GLIS3: variants seen among roughly 807,000 people sequenced by gnomAD.
GLIS3 encodes the protein zinc finger protein GLIS3.
Under a neutral mutation model 78.6 loss-of-function variants are expected in GLIS3, and 53 were observed. That is an observed-to-expected ratio of 0.67 (90% CI 0.54 to 0.85). The LOEUF is 0.85. GLIS3 is among the 40% of genes least tolerant of loss of function. GLIS3 has a pLI of 0.00. For synonymous variants in GLIS3, 684 were observed against 509.9 expected, an observed-to-expected ratio of 1.34 and a Z score of -4.60; for missense variants, 1,703 against 1,231.1, an observed-to-expected ratio of 1.38 and a Z score of -5.74.
chr9:3,950,432 C>T (rs971332284), intron 4 of GLIS3, among the ~76,000 whole-genome samples: 3 of 152,234 alleles, frequency 2.0e-5, no homozygotes, highest in Non-Finnish European at 4.4e-5. Context: ...ATGTGGCTCC[C>T]GCCTACTTCT....
At chr9:4,274,733 C>G (rs535681112) in intron 2 of GLIS3, among the ~76,000 whole-genome samples, 6 of 152,290 alleles carry the variant, frequency 3.9e-5, no homozygotes, top group African/African-American at 1.2e-4. Context: ...GAGTGCAGGA[C>G]CCTGTGCAGT....
intron 4 of GLIS3, among the ~76,000 whole-genome samples, chr9:4,075,411 C>CAAAAA (rs59194808): frequency 8.5e-6 from 1 of 118,192 alleles, no homozygotes; most frequent in Admixed American, 9.2e-5. Flanking sequence ...ACTAAAAATA[C>CAAAAA]AAAAAAAAAA....
At chr9:4,445,568 A>C in the GLIS3 span, among the ~76,000 whole-genome samples, 1 of 152,228 alleles carries the variant, frequency 6.6e-6, no homozygotes, top group African/African-American at 2.4e-5. Flanking sequence ...CAGCAATTCA[A>C]GCTTACAGTG....
intron 9 of GLIS3, among the ~76,000 whole-genome samples, chr9:3,845,987 T>C (rs986788129): frequency 1.4e-4 from 21 of 152,290 alleles, no homozygotes; most frequent in African/African-American, 5.1e-4. Context: ...GAGTAAACAA[T>C]GCCTTCTTTA....
At chr9:4,187,781 G>T (rs1011427162) in intron 2 of GLIS3, among the ~76,000 whole-genome samples, 47 of 152,150 alleles carry the variant, frequency 3.1e-4, no homozygotes, top group Non-Finnish European at 5.9e-4. Context: ...GTTCACTCAT[G>T]ATTTGGCTCT....
At chr9:3,870,940 T>A (rs541718413) in intron 8 of GLIS3, among the ~76,000 whole-genome samples, 1 of 152,278 alleles carries the variant, frequency 6.6e-6, no homozygotes, top group Non-Finnish European at 1.5e-5. Context: ...ACAAGGCAGG[T>A]CTCTTCCACA....
the GLIS3 span, among the ~76,000 whole-genome samples, chr9:4,366,696 G>A: frequency 2.6e-5 from 4 of 152,216 alleles, no homozygotes; most frequent in African/African-American, 9.6e-5. Context: ...GACTGTCTTT[G>A]TTCTGAGCTG....
intron 2 of GLIS3, among the ~76,000 whole-genome samples, chr9:4,236,812 G>A (rs1822793508): frequency 6.6e-6 from 1 of 152,140 alleles, no homozygotes; most frequent in Non-Finnish European, 1.5e-5. Context: ...TATTACATAA[G>A]ACAATGCAAA....
intron 4 of GLIS3, among the ~76,000 whole-genome samples, chr9:4,112,294 G>C (rs1233765672): frequency 3.9e-5 from 6 of 152,026 alleles, no homozygotes; most frequent in African/African-American, 1.2e-4. Context: ...TATTACAAGA[G>C]AACATTAAAC....
chr9:4,255,216 T>C (rs1824807943), intron 2 of GLIS3, among the ~76,000 whole-genome samples: 1 of 152,200 alleles, frequency 6.6e-6, no homozygotes. Flanking sequence ...CAACATCAAA[T>C]GCTGACAAGA....
At chr9:4,205,844 T>A (rs775595421) in intron 2 of GLIS3, among the ~76,000 whole-genome samples, 2 of 152,180 alleles carry the variant, frequency 1.3e-5, no homozygotes, top group African/African-American at 2.4e-5. Context: ...AAGGGATAGG[T>A]AGACATATTA....
intron 4 of GLIS3, among the ~76,000 whole-genome samples, chr9:4,088,104 C>G (rs1204365190): frequency 2.0e-5 from 3 of 152,052 alleles, no homozygotes; most frequent in Non-Finnish European, 4.4e-5. Context: ...TCTTCAACCC[C>G]AACATAACCT....
At chr9:4,473,179 C>T in the GLIS3 span, among the ~76,000 whole-genome samples, 1 of 152,012 alleles carries the variant, frequency 6.6e-6, no homozygotes, top group Non-Finnish European at 1.5e-5. Flanking sequence ...CAATGATAGA[C>T]TGAATAAAGA....
chr9:4,435,786 A>AC, the GLIS3 span, among the ~76,000 whole-genome samples: 1 of 152,118 alleles, frequency 6.6e-6, no homozygotes, highest in East Asian at 1.9e-4. Context: ...TATCTCTACT[A>AC]AAAATACAAA....
chr9:4,094,574 T>C (rs1000670626), intron 4 of GLIS3, among the ~76,000 whole-genome samples: 1 of 152,186 alleles, frequency 6.6e-6, no homozygotes, highest in Admixed American at 6.5e-5. Context: ...CAAATACAAT[T>C]GAACATTCAT....
chr9:4,344,121 A>G (rs76186132), intron 2 of GLIS3, among the ~76,000 whole-genome samples: 5,408 of 152,220 alleles, frequency 0.036, 241 homozygotes, highest in East Asian at 0.23. Context: ...TTCCTACCTT[A>G]ACATACCTCC....
the GLIS3 span, among the ~76,000 whole-genome samples, chr9:4,373,670 C>CTTTTT: frequency 1.4e-5 from 2 of 139,760 alleles, no homozygotes; most frequent in Non-Finnish European, 1.6e-5. Context: ...ATTTTCTTTT[C>CTTTTT]TTTTTTTTTT....
intron 4 of GLIS3, among the ~76,000 whole-genome samples, chr9:4,105,694 T>G (rs1830698233): frequency 6.6e-6 from 1 of 152,192 alleles, no homozygotes; most frequent in South Asian, 2.1e-4. Context: ...CACAGTTGTT[T>G]GTTTTGATTT....
At chr9:4,059,829 T>TGTGTGTGTGTGTGTGAGAGA in intron 4 of GLIS3, among the ~76,000 whole-genome samples, 98 of 100,710 alleles carry the variant, frequency 9.7e-4, no homozygotes, top group South Asian at 2.0e-3. Context: ...TGTGTGTGTG[T>TGTGTGTGTGTGTGTGAGAGA]GAGAGAGAGA....
Sources: allele counts gnomAD v4.1 joint callset (sites outside exome capture counted in the v4.1 genomes callset), GRCh38; gene constraint gnomAD v4.1.1; transcripts MANE v1.5; gene names NCBI Gene and HGNC (gene_info 2026-07-23, HGNC 2026-07-21).